CASP8: variants seen among roughly 807,000 people sequenced by gnomAD.
CASP8 encodes the protein caspase 8.
CASP8 carries 24 observed loss-of-function variants against 46.3 expected under a neutral mutation model. That is an observed-to-expected ratio of 0.52 (90% CI 0.38 to 0.73). CASP8 has a LOEUF of 0.73. Ranked by LOEUF, CASP8 falls within the 30% of genes least tolerant of loss-of-function variation. The pLI, the probability that CASP8 is intolerant of heterozygous loss-of-function variation, is 0.00. For synonymous variants in CASP8, 188 were observed against 200.4 expected (o/e 0.94, Z 0.52); for missense variants, 460 against 559.0 (o/e 0.82, Z 1.79).
upstream of CASP8, chr2:201,258,045 TG>T (rs1459771102): frequency 2.3e-4 from 149 of 654,568 alleles, 5 homozygotes; most frequent in Admixed American, 3.8e-3. Context: ...GAGTCATCTC[TG>T]TTCTGCTTTA....
At chr2:201,252,593 A>G (rs927043115) in intron 2 of CASP8, among the ~76,000 whole-genome samples, 2 of 152,066 alleles carry the variant, frequency 1.3e-5, no homozygotes, top group Admixed American at 6.6e-5. Context: ...ATTTTCTCCC[A>G]ATCTGTGGTT....
Position 201,286,877 on chromosome 2 carries a change from C to G in CASP8, c.*283C>G. 2.6e-6 allele frequency: 1 copy of G among 383,826 alleles called. No individual in the cohort carries two copies. Among genetic ancestry groups the G allele is most frequent in the Non-Finnish European group, 5.0e-6 (1 of 200,208 alleles). 23.8% of individuals were successfully genotyped at this position (383,826 alleles called of 1,614,324 possible). ...CTCGTGATCCACCCACCTCGGCCTCCCAAAGTGCTGGGATTACAGGCGTGA... is the reference window on the plus strand; with the variant it reads ...CTCGTGATCCACCCACCTCGGCCTCGCAAAGTGCTGGGATTACAGGCGTGA... On this transcript the variant is annotated 3_prime_UTR_variant, in exon 9 of 9. Coordinates refer to ENST00000673742, the MANE Select transcript of CASP8 (RefSeq NM_001372051.1).
In CASP8 at chr2:201,266,571, T is replaced by C; in HGVS notation, c.85T>C (p.Tyr29His). The C allele has an allele frequency of 6.2e-7, 1 of 1,614,206 alleles. No individual in the cohort carries two copies. Among genetic ancestry groups the C allele is most frequent in the Non-Finnish European group, 8.5e-7 (1 of 1,180,008 alleles). Reference sequence around the variant, plus strand: ...CTCCCTCAAGTTCCTGAGCCTGGACTACATTCCGCAAAGGAAGCAAGAACC... The same window carrying C: ...CTCCCTCAAGTTCCTGAGCCTGGACCACATTCCGCAAAGGAAGCAAGAACC... Reference protein sequence around the residue: ...LASLKFLSLDYIPQRKQEPIK... With the variant: ...LASLKFLSLDHIPQRKQEPIK... Residue 29 changes from tyrosine (Y) to histidine (H), a missense_variant, in exon 2 of 9, where the codon TAC becomes CAC. By Grantham distance (83) the Tyr-to-His change is moderately conservative. Coordinates refer to ENST00000673742, the MANE Select transcript of CASP8 (RefSeq NM_001372051.1). This position sits in a 1 kb window ranked among gnomAD's most constrained non-coding sequence, Gnocchi z 5.7.
upstream of CASP8, among the ~76,000 whole-genome samples, chr2:201,255,676 T>C (rs970761115): frequency 6.6e-6 from 1 of 152,258 alleles, no homozygotes; most frequent in Admixed American, 6.5e-5. Context: ...AATTGCATCA[T>C]CTGTATGTAA....
At chr2:201,283,633 G>A (rs1454045692) in intron 7 of CASP8, among the ~76,000 whole-genome samples, 7 of 90,178 alleles carry the variant, frequency 7.8e-5, no homozygotes, top group African/African-American at 2.6e-4. Context: ...TCACTTCCCA[G>A]TAGGGGCGGC....
rs1350639573 is a variant in CASP8, at chr2:201,276,944, A to G, written c.778A>G (p.Arg260Gly). The change falls in exon 7 of 9, where the codon AGG (arginine) becomes GGG (glycine). Residue 260 changes from arginine (R) to glycine (G), a missense_variant. Physicochemically the swap from Arg to Gly is moderately radical, Grantham distance 125. Coordinates refer to ENST00000673742, the MANE Select transcript of CASP8 (RefSeq NM_001372051.1). Reference protein sequence around the residue: ...KVPKLHSIRDRNGTHLDAGAL... With the variant: ...KVPKLHSIRDGNGTHLDAGAL... The stretch of plus-strand genomic sequence containing the variant: ...GCCCAAACTTCACAGCATTAGGGAC[A>G]GGAATGGAACACACTTGGATGCAGG... 6.2e-7 allele frequency: 1 copy of G among 1,613,740 alleles called. No homozygotes were observed. Among genetic ancestry groups the G allele is most frequent in the Admixed American group, 1.7e-5 (1 of 60,008 alleles).
chr2:201,248,608 G>C (rs986957344), intron 2 of CASP8, among the ~76,000 whole-genome samples: 2 of 152,126 alleles, frequency 1.3e-5, no homozygotes, highest in African/African-American at 4.8e-5. Context: ...CGCTCTTTTT[G>C]TCCGTTATCT....
At chr2:201,259,863 G>A (rs547716986), upstream of CASP8, among the ~76,000 whole-genome samples, 1 of 151,574 alleles carries the variant, frequency 6.6e-6, no homozygotes, top group Admixed American at 6.6e-5. Context: ...TCTTACCAAA[G>A]AGTTTTTGCA....
chr2:201,253,736 T>G (rs1946889484), intron 2 of CASP8, among the ~76,000 whole-genome samples: 1 of 152,142 alleles, frequency 6.6e-6, no homozygotes. Context: ...GGTATGGGCA[T>G]ATAGTGCCTC....
At position 201,276,955 on chromosome 2, in the gene CASP8, A is replaced by G. The variant is rs35142591; in HGVS notation, c.789A>G (p.Thr263=). The change falls in exon 7 of 9, where the codon ACA becomes ACG. Residue 263 remains threonine (T), a synonymous_variant. Coordinates refer to ENST00000673742, the MANE Select transcript of CASP8 (RefSeq NM_001372051.1). The stretch of plus-strand genomic sequence containing the variant: ...ACAGCATTAGGGACAGGAATGGAAC[A>G]CACTTGGATGCAGGTACAGTAGAAC... ...KLHSIRDRNG[T]HLDAGALTTT... is the part of the protein sequence containing the mutation. 1,920 of 1,613,146 alleles carry G rather than the reference A, an allele frequency of 1.2e-3. 47 individuals carry two copies. In the East Asian group the frequency reaches 0.038, roughly 32 times the overall value.
intron 1 of CASP8, among the ~76,000 whole-genome samples, chr2:201,264,992 G>C (rs1576297348): frequency 6.6e-6 from 1 of 152,120 alleles, no homozygotes; most frequent in Non-Finnish European, 1.5e-5. Context: ...GGTGGGAGTA[G>C]GGGATGAGTC....
At chr2:201,242,916 T>A (rs1027134749) in intron 2 of CASP8, 1 of 152,994 alleles carries the variant, frequency 6.5e-6, no homozygotes, top group Non-Finnish European at 1.5e-5. Flanking sequence ...AGGGAAATTC[T>A]ATAATATAAG....
At chr2:201,264,455 G>T (rs1947653413) in intron 1 of CASP8, among the ~76,000 whole-genome samples, 1 of 151,738 alleles carries the variant, frequency 6.6e-6, no homozygotes, top group Admixed American at 6.6e-5. Context: ...GCCACCTGGG[G>T]TCTTGCCCAG....
chr2:201,245,861 G>GTTTTTT (rs1257770154), intron 2 of CASP8, among the ~76,000 whole-genome samples: 1 of 126,034 alleles, frequency 7.9e-6, no homozygotes, highest in African/African-American at 3.9e-5. Flanking sequence ...TTCCTTGTTT[G>GTTTTTT]TTCTTTTTTT....
At chr2:201,281,856 T>A (rs1949042220) in intron 7 of CASP8, 1 of 1,474,182 alleles carries the variant, frequency 6.8e-7, no homozygotes, top group African/African-American at 1.4e-5. Flanking sequence ...TTTTAGCTGG[T>A]GGCAATAAAT....
At chr2:201,251,347 C>T (rs776184720) in intron 2 of CASP8, among the ~76,000 whole-genome samples, 1 of 152,082 alleles carries the variant, frequency 6.6e-6, no homozygotes. Context: ...GTGATCCCAG[C>T]ACTTTGGGAG....
chr2:201,266,509 A>C lies in CASP8; in HGVS notation c.23A>C (p.Tyr8Ser), dbSNP rs895052255. 4 of 1,614,020 alleles carry C rather than the reference A, an allele frequency of 2.5e-6. No homozygotes were observed. The Admixed American group carries it at 6.7e-5, about 27-fold the overall frequency. The change falls in exon 2 of 9, where the codon TAT (tyrosine) becomes TCT (serine). Residue 8 changes from tyrosine to serine, a missense_variant. Physicochemically the swap from Tyr to Ser is moderately radical, Grantham distance 144. Transcript: ENST00000673742. This position sits in a 1 kb window ranked among gnomAD's most constrained non-coding sequence, Gnocchi z 5.7. ...AAGATGGACTTCAGCAGAAATCTTTATGATATTGGGGAACAACTGGACAGT... is the reference window on the plus strand; with the variant it reads ...AAGATGGACTTCAGCAGAAATCTTTCTGATATTGGGGAACAACTGGACAGT... Reference protein sequence around the residue: MDFSRNLYDIGEQLDSED... With the variant: MDFSRNLSDIGEQLDSED...
intron 2 of CASP8, among the ~76,000 whole-genome samples, chr2:201,250,432 T>C (rs1946727278): frequency 6.6e-6 from 1 of 152,218 alleles, no homozygotes; most frequent in Non-Finnish European, 1.5e-5. Context: ...TGCTGGCATC[T>C]GCTTGGCTTC....
intron 2 of CASP8, among the ~76,000 whole-genome samples, chr2:201,248,234 G>C (rs912231568): frequency 2.6e-5 from 4 of 152,192 alleles, no homozygotes; most frequent in Admixed American, 1.3e-4. Context: ...AGTAGGGCAA[G>C]AAAATCCTGA....
Sources: allele counts gnomAD v4.1 joint callset (sites outside exome capture counted in the v4.1 genomes callset), GRCh38; gene constraint gnomAD v4.1.1; non-coding constraint Gnocchi (gnomAD v3.1); transcripts MANE v1.5; gene names NCBI Gene and HGNC (gene_info 2026-07-23, HGNC 2026-07-21).